The following SNX5 variants were observed in gnomAD, a reference collection of about 807,000 sequenced individuals.
The protein encoded by SNX5 is sorting nexin 5, also known as sorting nexin-5.
Under a neutral mutation model 53.9 loss-of-function variants are expected in SNX5, and 31 were observed. The ratio of observed to expected loss-of-function variants is 0.58; its 90% CI spans 0.43 to 0.78. The LOEUF (loss-of-function observed/expected upper bound fraction) is 0.78. Among genes scored for constraint, SNX5 ranks in the 30% least tolerant of loss-of-function variants. SNX5 has a pLI of 0.00. For synonymous variants in SNX5, 168 were observed against 171.1 expected (o/e 0.98, Z 0.14); for missense variants, 471 against 478.8 (o/e 0.98, Z 0.15).
At chr20:17,955,221 C>T (rs75247263) in intron 3 of SNX5, 144 bp downstream of exon 3, 10,081 of 613,548 alleles carry the variant, frequency 0.016, 676 homozygotes, top group East Asian at 0.14. Flanking sequence ...ACATACTTTC[C>T]ACTTGACAGT....
rs1262601200 is a variant in SNX5 at position 17,949,020 on chromosome 20, G to T, written c.831+44C>A. The T allele has an allele frequency of 3.1e-6, 5 of 1,603,734 alleles. No homozygotes were observed. In the East Asian group the frequency reaches 1.1e-4, roughly 36 times the overall value. ...GTCACCATCAAGGCAGAAAGCTATA[G>T]ATTATAAAATATATATTATGAAGAC... On this transcript the variant is annotated intron_variant, in intron 9 of 12. Transcript: ENST00000377759.
At chr20:17,967,888 C>T (rs958049741) in intron 1 of SNX5, 5 of 396,836 alleles carry the variant, frequency 1.3e-5, no homozygotes, top group Non-Finnish European at 1.8e-5. Flanking sequence ...AAGTTGTAAG[C>T]AGCATGTTCG....
intron 6 of SNX5, chr20:17,951,011 T>G (rs1329879411): frequency 5.1e-5 from 8 of 156,526 alleles, no homozygotes; most frequent in African/African-American, 1.9e-4. Flanking sequence ...AGTAGTAAAG[T>G]AAATCATACC....
chr20:17,958,141 C>T (rs1157955773), intron 1 of SNX5, among the ~76,000 whole-genome samples: 2 of 152,126 alleles, frequency 1.3e-5, no homozygotes, highest in Non-Finnish European at 2.9e-5. Context: ...ACACACAAGG[C>T]ACGAGGAACT....
intron 10 of SNX5, 85 bp downstream of exon 10, chr20:17,948,805 T>C (rs929876150): frequency 2.3e-5 from 24 of 1,058,036 alleles, no homozygotes; most frequent in Non-Finnish European, 3.3e-5. Flanking sequence ...GATAAATTCT[T>C]ATTCTGCTCC....
At chr20:17,957,207 G>A (rs2035376708) in intron 1 of SNX5, among the ~76,000 whole-genome samples, 170 bp from the exon 2 acceptor site, 2 of 152,026 alleles carry the variant, frequency 1.3e-5, no homozygotes, top group Admixed American at 6.5e-5. Context: ...AGGCCAAGGC[G>A]GGTGGTTCAC....
chr20:17,953,975 C>T (rs2035308917), intron 4 of SNX5, 21 bp downstream of exon 4: 1 of 1,595,992 alleles, frequency 6.3e-7, no homozygotes, highest in African/African-American at 1.3e-5. Flanking sequence ...AAGACAGAGC[C>T]CACCAGGAAA....
chr20:17,968,028 T>C (rs988572899), intron 1 of SNX5: 6 of 398,414 alleles, frequency 1.5e-5, no homozygotes, highest in Non-Finnish European at 2.7e-5. Flanking sequence ...TAAGTCAATT[T>C]CACGTTCACC....
Position 17,952,641 on chromosome 20 carries a change from G to A in SNX5, c.459C>T (p.His153=). Residue 153 remains histidine (H), a synonymous_variant, in exon 5 of 13, where the codon CAC becomes CAT. Transcript: ENST00000377759. ...HEVFLQRLSS[H]PVLSKDRNFH... ...AGTTGCGATCTTTACTGAGAACAGG[G>A]TGAGAAGAAAGCCGCTGAAGAAAGA... 6.2e-7 allele frequency: 1 copy of A among 1,614,092 alleles called. No individual in the cohort carries two copies.
intron 1 of SNX5, among the ~76,000 whole-genome samples, chr20:17,960,553 G>A (rs2035429776): frequency 6.6e-6 from 1 of 151,366 alleles, no homozygotes. Context: ...GACATCACGC[G>A]ACTGCACTCC....
In SNX5 at chr20:17,942,180, G is replaced by A. The variant is rs984054405; in HGVS notation, c.*177C>T. ...AAAATTAGTTATGTCCAAGTAGCAAGCAATAATATTTTTAAACCAACATGG... is the reference window on the plus strand; with the variant it reads ...AAAATTAGTTATGTCCAAGTAGCAAACAATAATATTTTTAAACCAACATGG... On this transcript the variant is annotated 3_prime_UTR_variant, in exon 13 of 13. Coordinates refer to ENST00000377759, the MANE Select transcript of SNX5 (RefSeq NM_014426.4). The A allele has an allele frequency of 1.5e-5, 9 of 587,970 alleles. No individual in the cohort carries two copies. Among genetic ancestry groups the A allele is most frequent in the Non-Finnish European group, 2.4e-5 (8 of 329,896 alleles). The allele number at this position is 587,970 out of a possible 1,614,324, so 36.4% of individuals were successfully genotyped here. A position where few individuals can be genotyped will look rare whatever the true frequency, so the allele number is the denominator to read the frequency against.
chr20:17,955,388 T>C lies in SNX5; in HGVS notation c.244A>G (p.Thr82Ala). ...ACAATAAGCCCAGCATAGTCTGTTG[T>C]TTCAATAAGAGTGTCATGTAGCCAC... Reference protein sequence around the residue: ...FVWLHDTLIETTDYAGLIIPP... With the variant: ...FVWLHDTLIEATDYAGLIIPP... Residue 82 changes from threonine to alanine, a missense_variant, in exon 3 of 13, where the codon ACA becomes GCA. Coordinates refer to ENST00000377759, the MANE Select transcript of SNX5 (RefSeq NM_014426.4). The C allele has an allele frequency of 6.2e-7, 1 of 1,613,440 alleles. No individual in the cohort carries two copies. The highest frequency in any genetic ancestry group is 8.5e-7 in the Non-Finnish European group (1 of 1,179,380).
chr20:17,950,955 T>A (rs1181508444), intron 6 of SNX5: 1 of 158,056 alleles, frequency 6.3e-6, no homozygotes, highest in Non-Finnish European at 1.4e-5. Flanking sequence ...TACCAGACAG[T>A]AATTGTAAGG....
At chr20:17,962,198 C>CTTT (rs71194211) in intron 1 of SNX5, 8 of 133,866 alleles carry the variant, frequency 6.0e-5, no homozygotes, top group Non-Finnish European at 6.3e-5. Context: ...ATTAACTCTG[C>CTTT]TTTTTTTTTT....
chr20:17,945,794 T>A (rs1205179775), intron 11 of SNX5, among the ~76,000 whole-genome samples: 2 of 152,212 alleles, frequency 1.3e-5, no homozygotes, highest in Admixed American at 6.5e-5. Flanking sequence ...GACAAATGAT[T>A]AGAAATCTAT....
intron 9 of SNX5, 34 bp downstream of exon 9, chr20:17,949,028 AAT>A (rs753151789): frequency 1.4e-5 from 23 of 1,608,420 alleles, no homozygotes; most frequent in Non-Finnish European, 1.9e-5. Context: ...TAGATTATAA[AAT>A]ATATATTATG....
In SNX5 at chr20:17,953,586, C is replaced by T. The variant is rs572233463; in HGVS notation, c.389+410G>A. Among the ~76,000 whole-genome samples the T allele has an allele frequency of 1.4e-4, 22 of 152,080 alleles. No individual in the cohort carries two copies. The South Asian group carries it at 4.1e-3, about 29-fold the overall frequency. On this transcript the variant is annotated intron_variant, in intron 4 of 12. Transcript: ENST00000377759. ...TTGAACTCAGGAGTTCGAGACCAGCCGGGGCAACACATGACGAAACCCCCA... is the reference window on the plus strand; with the variant it reads ...TTGAACTCAGGAGTTCGAGACCAGCTGGGGCAACACATGACGAAACCCCCA...
chr20:17,954,130 C>T lies in SNX5; in HGVS notation c.268-13G>A. 1 of 1,612,666 alleles carries T rather than the reference C, an allele frequency of 6.2e-7. No homozygotes were observed. Among genetic ancestry groups the T allele is most frequent in the Non-Finnish European group, 8.5e-7 (1 of 1,179,296 alleles). ...GAGCAGGTGGAATCTGCAGCAGAGGCAGGAACTCATGAGCCTCTTGTCCCA... is the reference window on the plus strand; with the variant it reads ...GAGCAGGTGGAATCTGCAGCAGAGGTAGGAACTCATGAGCCTCTTGTCCCA... On this transcript the variant is annotated splice_polypyrimidine_tract_variant and intron_variant, in intron 3 of 12. Transcript: ENST00000377759.
At chr20:17,962,090 GA>G (rs1454469774) in intron 1 of SNX5, 1 of 588,658 alleles carries the variant, frequency 1.7e-6, no homozygotes, top group African/African-American at 2.0e-5. Context: ...CTGCCATCCT[GA>G]AGATAACTAA....
Sources: allele counts gnomAD v4.1 joint callset (sites outside exome capture counted in the v4.1 genomes callset), GRCh38; gene constraint gnomAD v4.1.1; transcripts MANE v1.5; gene names NCBI Gene and HGNC (gene_info 2026-07-23, HGNC 2026-07-21).